The following FOXN3 variants were observed in gnomAD, a reference collection of about 807,000 sequenced individuals.
The protein encoded by FOXN3 is forkhead box N3.
A neutral mutation model predicts 38.4 loss-of-function variants in FOXN3; 7 were observed. The observed-to-expected ratio is 0.18, with a 90% confidence interval of 0.10 to 0.34. The LOEUF (loss-of-function observed/expected upper bound fraction) is 0.34. Ranked by LOEUF, FOXN3 falls within the 10% of genes least tolerant of loss-of-function variation. The pLI is 1.00. For missense variants in FOXN3, 456 were observed against 613.4 expected, an observed-to-expected ratio of 0.74 and a Z score of 2.71; for synonymous variants, 230 against 242.2, an observed-to-expected ratio of 0.95 and a Z score of 0.47.
chr14:89,589,537 A>G (rs913395030), intron 1 of FOXN3, among the ~76,000 whole-genome samples: 3 of 152,114 alleles, frequency 2.0e-5, no homozygotes, highest in Non-Finnish European at 4.4e-5. Context: ...CTTCGACTGC[A>G]TAAGGGGAAG....
chr14:89,170,257 A>G (rs1483890466), intron 5 of FOXN3, among the ~76,000 whole-genome samples: 1 of 152,244 alleles, frequency 6.6e-6, no homozygotes, highest in African/African-American at 2.4e-5. Context: ...AGTCAAATCT[A>G]CATTGGAATG....
At chr14:89,278,218 C>T (rs190342808) in intron 4 of FOXN3, among the ~76,000 whole-genome samples, 8 of 152,188 alleles carry the variant, frequency 5.3e-5, no homozygotes, top group East Asian at 1.9e-4. Flanking sequence ...TCTTACATGG[C>T]GACAGACAAG....
intron 4 of FOXN3, among the ~76,000 whole-genome samples, chr14:89,228,593 CA>C (rs939556705): frequency 1.2e-4 from 19 of 152,252 alleles, no homozygotes; most frequent in African/African-American, 4.6e-4. Context: ...GAAGAGAAGG[CA>C]ATTTCTTATT....
rs763193638 is a variant in FOXN3 at position 89,188,670 on chromosome 14, T to C, written c.746-7864A>G. Reference sequence around the variant, plus strand: ...ATTTTTGTGAAACTAATGATCACTGTGTAGTGGCTGGGTGCAAAGGAAGGT... The same window carrying C: ...ATTTTTGTGAAACTAATGATCACTGCGTAGTGGCTGGGTGCAAAGGAAGGT... On this transcript the variant is annotated intron_variant, in intron 4 of 5. Coordinates refer to ENST00000557258, the MANE Select transcript of FOXN3 (RefSeq NM_005197.4). Among the ~76,000 whole-genome samples, 13 of 152,350 alleles carry C rather than the reference T, an allele frequency of 8.5e-5. 1 individual carries two copies. In the South Asian group the frequency reaches 2.7e-3, roughly 32 times the overall value.
intron 3 of FOXN3, among the ~76,000 whole-genome samples, chr14:89,338,897 T>C (rs577486390): frequency 6.6e-6 from 1 of 152,286 alleles, no homozygotes; most frequent in South Asian, 2.1e-4. Flanking sequence ...GAAGGAGAAA[T>C]CAAATTCAAT....
chr14:89,473,194 T>C (rs945856656), intron 1 of FOXN3, among the ~76,000 whole-genome samples: 2 of 151,304 alleles, frequency 1.3e-5, no homozygotes, highest in Non-Finnish European at 2.9e-5. Flanking sequence ...CTGGCTAATT[T>C]TTTGTATTTT....
At chr14:89,528,133 T>C (rs1398461468) in intron 1 of FOXN3, among the ~76,000 whole-genome samples, 4 of 152,170 alleles carry the variant, frequency 2.6e-5, no homozygotes, top group Admixed American at 2.6e-4. Context: ...AACATATATC[T>C]ACTATATGAC....
intron 1 of FOXN3, among the ~76,000 whole-genome samples, chr14:89,435,152 A>G (rs1033705774): frequency 6.6e-6 from 1 of 152,092 alleles, no homozygotes; most frequent in African/African-American, 2.4e-5. Flanking sequence ...GAGGCTGCGG[A>G]GGGGAGGATT....
At chr14:89,420,028 G>A (rs192717182), upstream of FOXN3, among the ~76,000 whole-genome samples, 94 of 152,184 alleles carry the variant, frequency 6.2e-4, 1 homozygote, top group African/African-American at 2.1e-3. Flanking sequence ...GAGGAAATAC[G>A]GGGAGGCTGG....
At chr14:89,505,747 T>C (rs996064054) in intron 1 of FOXN3, among the ~76,000 whole-genome samples, 8 of 151,016 alleles carry the variant, frequency 5.3e-5, no homozygotes, top group African/African-American at 1.7e-4. Flanking sequence ...TCGTCTGGGA[T>C]GTGAGGAGCC....
At chr14:89,477,033 G>T (rs759906641) in intron 1 of FOXN3, among the ~76,000 whole-genome samples, 2 of 152,128 alleles carry the variant, frequency 1.3e-5, no homozygotes, top group African/African-American at 2.4e-5. Flanking sequence ...AGGGACAGGC[G>T]TATGTACATG....
rs139246078 is a variant in FOXN3 at position 89,433,390 on chromosome 14, A to T, written c.-14-20900T>A. Among the ~76,000 whole-genome samples, 357 of 152,274 alleles carry T rather than the reference A, an allele frequency of 2.3e-3. 4 individuals are homozygous for T. The highest frequency in any genetic ancestry group is 8.3e-3 in the African/African-American group (346 of 41,566). ...CCAGCTACTCGGTAGACTGAGGCAG[A>T]AGAATCGCTTGAACTCAGGAGGCTG... On this transcript the variant is annotated intron_variant, in intron 1 of 6. Coordinates refer to the FOXN3 transcript ENST00000345097.
Position 89,158,872 on chromosome 14 carries a change from C to A in FOXN3, c.*3542G>T, listed in dbSNP as rs370725366. 3.3e-5 allele frequency: 5 copies of A among 152,324 alleles called. No individual in the cohort carries two copies. The highest frequency in any genetic ancestry group is 4.4e-5 in the Non-Finnish European group (3 of 68,008). The allele number at this position is 152,324 out of a possible 1,614,324, so 9.4% of individuals were successfully genotyped here. A position where few individuals can be genotyped will look rare whatever the true frequency, so the allele number is the denominator to read the frequency against. ...CTATAGTTCCCCGTTTCCCCCTCCC[C>A]CCTGCCCCGTGTGAGTATGTGAGAT... On this transcript the variant is annotated 3_prime_UTR_variant, in exon 6 of 6. Transcript: ENST00000557258.
intron 1 of FOXN3, among the ~76,000 whole-genome samples, chr14:89,505,403 T>C (rs1156507451): frequency 6.6e-6 from 1 of 151,866 alleles, no homozygotes; most frequent in Non-Finnish European, 1.5e-5. Flanking sequence ...GCCTGCCGAG[T>C]GCCTGCGATT....
chr14:89,295,316 C>T (rs922911841), intron 3 of FOXN3, among the ~76,000 whole-genome samples: 1 of 152,224 alleles, frequency 6.6e-6, no homozygotes, highest in East Asian at 1.9e-4. Context: ...TGGCAAATAC[C>T]TTCTGTGCAG....
chr14:89,244,666 T>A (rs770097126), intron 4 of FOXN3, among the ~76,000 whole-genome samples: 9 of 152,144 alleles, frequency 5.9e-5, no homozygotes, highest in African/African-American at 9.7e-5. Context: ...GAATGAAGAT[T>A]CCCCATACTT....
intron 4 of FOXN3, among the ~76,000 whole-genome samples, chr14:89,215,635 T>A (rs1237230294): frequency 6.6e-6 from 1 of 152,134 alleles, no homozygotes; most frequent in African/African-American, 2.4e-5. Context: ...TCAAAGTCAG[T>A]TGTTTCTGGA....
intron 1 of FOXN3, among the ~76,000 whole-genome samples, chr14:89,558,784 C>G (rs1407240382): frequency 6.6e-6 from 1 of 152,118 alleles, no homozygotes; most frequent in African/African-American, 2.4e-5. Flanking sequence ...GTTGGGTACA[C>G]CATTGCCCCA....
chr14:89,384,678 T>C (rs1322882154), intron 2 of FOXN3, among the ~76,000 whole-genome samples: 1 of 152,024 alleles, frequency 6.6e-6, no homozygotes, highest in African/African-American at 2.4e-5. Flanking sequence ...AATACAGAGA[T>C]GCAGAGATAA....
Sources: gnomAD v4.1 joint callset for allele counts (sites outside exome capture counted in the v4.1 genomes callset) on GRCh38, gnomAD v4.1.1 for gene constraint, MANE v1.5 for transcripts, NCBI Gene and HGNC (gene_info 2026-07-23, HGNC 2026-07-21) for gene names.